CNTN6: variants seen among roughly 807,000 people sequenced by gnomAD.
CNTN6 encodes contactin 6, also known as contactin-6.
CNTN6 carries 137 observed loss-of-function variants against 122.8 expected under a neutral mutation model. The ratio of observed to expected loss-of-function variants is 1.12; its 90% CI spans 0.97 to 1.29. The LOEUF is 1.29. CNTN6 is among the 50% of genes most tolerant of loss of function. The pLI is 0.00. For synonymous variants in CNTN6, 570 were observed against 426.0 expected, an observed-to-expected ratio of 1.34 and a Z score of -4.16; for missense variants, 1,634 against 1,223.4, an observed-to-expected ratio of 1.34 and a Z score of -5.01.
chr3:1,332,839 T>C (rs1026613629), intron 11 of CNTN6, among the ~76,000 whole-genome samples: 14 of 152,052 alleles, frequency 9.2e-5, no homozygotes, highest in African/African-American at 2.9e-4. Context: ...CATTACGTGG[T>C]AGCCAAATTC....
chr3:1,335,106 C>T (rs997359144), intron 11 of CNTN6, among the ~76,000 whole-genome samples: 2 of 152,128 alleles, frequency 1.3e-5, no homozygotes, highest in Non-Finnish European at 2.9e-5. Flanking sequence ...AACTCTATTT[C>T]TTAGCTGATA....
chr3:1,249,319 A>G (rs957901036), intron 4 of CNTN6, among the ~76,000 whole-genome samples: 2 of 152,212 alleles, frequency 1.3e-5, no homozygotes, highest in African/African-American at 2.4e-5. Flanking sequence ...AGCACCTACC[A>G]TATGTGTCAA....
chr3:1,259,717 A>C (rs2094814036), intron 4 of CNTN6, among the ~76,000 whole-genome samples: 1 of 152,150 alleles, frequency 6.6e-6, no homozygotes. Context: ...TAATTTTCTC[A>C]TTCATGAAAC....
intron 1 of CNTN6, among the ~76,000 whole-genome samples, chr3:1,115,615 G>A (rs895216954): frequency 5.3e-5 from 8 of 152,144 alleles, no homozygotes; most frequent in African/African-American, 1.9e-4. Flanking sequence ...AGCCGGGCAT[G>A]AAGGTGCATG....
intron 2 of CNTN6, among the ~76,000 whole-genome samples, chr3:1,157,013 G>C (rs1053161142): frequency 1.4e-5 from 2 of 144,872 alleles, no homozygotes; most frequent in African/African-American, 5.3e-5. Flanking sequence ...ACTGCACCTT[G>C]CCTCTTTTTT....
intron 16 of CNTN6, among the ~76,000 whole-genome samples, chr3:1,376,155 C>T (rs1051722635): frequency 1.3e-5 from 2 of 152,036 alleles, no homozygotes; most frequent in Non-Finnish European, 1.5e-5. Flanking sequence ...TTTGTCATTA[C>T]GTCAAGAAAA....
intron 5 of CNTN6, among the ~76,000 whole-genome samples, chr3:1,286,654 G>A (rs554235832): frequency 6.6e-6 from 1 of 152,076 alleles, no homozygotes; most frequent in African/African-American, 2.4e-5. Flanking sequence ...GGCATTTGTG[G>A]TGGTTCCAAG....
chr3:1,186,333 C>G (rs562300488), intron 2 of CNTN6, among the ~76,000 whole-genome samples: 5 of 152,060 alleles, frequency 3.3e-5, no homozygotes, highest in Non-Finnish European at 7.4e-5. Context: ...ATCGTCAGCT[C>G]AAACCCGATT....
intron 12 of CNTN6, among the ~76,000 whole-genome samples, chr3:1,359,196 C>T (rs554129065): frequency 6.6e-6 from 1 of 152,058 alleles, no homozygotes. Context: ...TATGTAGTCA[C>T]TGCCTATTAT....
intron 1 of CNTN6, among the ~76,000 whole-genome samples, chr3:1,098,263 AAAAG>A (rs2090646480): frequency 6.6e-6 from 1 of 152,062 alleles, no homozygotes; most frequent in East Asian, 1.9e-4. Context: ...AAAAATAAAA[AAAAG>A]AGAAAGGGTA....
intron 1 of CNTN6, among the ~76,000 whole-genome samples, chr3:1,140,971 ATCT>A (rs1427767712): frequency 6.6e-6 from 1 of 152,202 alleles, no homozygotes; most frequent in Non-Finnish European, 1.5e-5. Context: ...GGCACAATTT[ATCT>A]TGCTACTTGG....
intron 11 of CNTN6, among the ~76,000 whole-genome samples, chr3:1,347,304 A>G (rs1402128614): frequency 6.6e-6 from 1 of 152,182 alleles, no homozygotes; most frequent in Non-Finnish European, 1.5e-5. Flanking sequence ...TGCTATAATC[A>G]GTGATTTAAT....
chr3:1,106,755 C>T (rs1240581421), intron 1 of CNTN6, among the ~76,000 whole-genome samples: 2 of 152,220 alleles, frequency 1.3e-5, no homozygotes, highest in East Asian at 3.9e-4. Flanking sequence ...TTTCACTTCA[C>T]ATATTCTCTG....
At chr3:1,226,435 A>G (rs895887701) in intron 3 of CNTN6, among the ~76,000 whole-genome samples, 3 of 152,124 alleles carry the variant, frequency 2.0e-5, no homozygotes, top group Non-Finnish European at 4.4e-5. Flanking sequence ...AGAAGCAGGA[A>G]GATCATTCTC....
intron 2 of CNTN6, among the ~76,000 whole-genome samples, chr3:1,207,369 CA>C (rs1401637954): frequency 6.6e-6 from 1 of 152,132 alleles, no homozygotes; most frequent in Non-Finnish European, 1.5e-5. Context: ...ATCTATACCA[CA>C]AATACTTTGG....
chr3:1,356,859 C>G (rs749574543), intron 12 of CNTN6, among the ~76,000 whole-genome samples: 2 of 151,784 alleles, frequency 1.3e-5, no homozygotes, highest in Non-Finnish European at 2.9e-5. Context: ...GAAAAAATTT[C>G]CTGTTCCAAT....
chr3:1,328,129 A>T (rs1701797230), intron 10 of CNTN6, among the ~76,000 whole-genome samples: 1 of 151,794 alleles, frequency 6.6e-6, no homozygotes, highest in African/African-American at 2.4e-5. Flanking sequence ...AATCACATTT[A>T]TCTCTTTTAT....
Position 1,259,585 on chromosome 3 carries a change from G to C in CNTN6, c.359-18828G>C, listed in dbSNP as rs1460781280. 2.0e-5 allele frequency among the ~76,000 whole-genome samples: 3 copies of C among 151,724 alleles called. No individual in the cohort carries two copies. The East Asian group carries it at 5.8e-4, about 29-fold the overall frequency. On this transcript the variant is annotated intron_variant, in intron 4 of 22. Coordinates refer to ENST00000446702, the MANE Select transcript of CNTN6 (RefSeq NM_001289080.2). ...GAAAAACACAAAGGACTAAATACAAGATGCATAAAGTCAGCATGAAGAGAT... is the reference window on the plus strand; with the variant it reads ...GAAAAACACAAAGGACTAAATACAACATGCATAAAGTCAGCATGAAGAGAT...
chr3:1,315,017 A>G (rs1699896712), intron 7 of CNTN6, among the ~76,000 whole-genome samples: 1 of 151,910 alleles, frequency 6.6e-6, no homozygotes, highest in Non-Finnish European at 1.5e-5. Flanking sequence ...AAAAAGAGAG[A>G]GGGGAGAAGT....
Sources: gnomAD v4.1 joint callset for allele counts (sites outside exome capture counted in the v4.1 genomes callset) on GRCh38, gnomAD v4.1.1 for gene constraint, MANE v1.5 for transcripts, NCBI Gene and HGNC (gene_info 2026-07-23, HGNC 2026-07-21) for gene names.